The following GSE1 variants were observed in gnomAD, a reference collection of about 807,000 sequenced individuals.
The protein encoded by GSE1 is Gse1 coiled-coil protein.
In GSE1, 32 loss-of-function variants were observed where a neutral mutation model predicts 112.6. The observed-to-expected ratio is 0.28, with a 90% CI of 0.21 to 0.38. The LOEUF is 0.38. Ranked by LOEUF, GSE1 falls within the 10% of genes least tolerant of loss-of-function variation. GSE1 has a pLI of 1.00. For synonymous variants in GSE1, 1,115 were observed against 735.6 expected (o/e 1.52, Z -8.35); for missense variants, 2,348 against 1,699.2 (o/e 1.38, Z -6.71).
intron 2 of GSE1, among the ~76,000 whole-genome samples, chr16:85,443,895 A>G (rs560982706): frequency 6.6e-6 from 1 of 151,616 alleles, no homozygotes; most frequent in Admixed American, 6.6e-5. Flanking sequence ...GCGACCAGAA[A>G]GCACATCTGC....
intron 1 of GSE1, among the ~76,000 whole-genome samples, chr16:85,565,548 C>A (rs2045711245): frequency 6.6e-6 from 1 of 152,188 alleles, no homozygotes; most frequent in Non-Finnish European, 1.5e-5. Flanking sequence ...GCGAGGGGCC[C>A]ATGGCGAAGG....
At chr16:85,173,394 C>T (rs1296543382) in intron 1 of GSE1, among the ~76,000 whole-genome samples, 1 of 152,218 alleles carries the variant, frequency 6.6e-6, no homozygotes, top group African/African-American at 2.4e-5. Flanking sequence ...AAACATACCA[C>T]TTGCTTTGTA....
intron 2 of GSE1, among the ~76,000 whole-genome samples, chr16:85,468,373 G>A (rs2050185995): frequency 6.7e-6 from 1 of 149,420 alleles, no homozygotes; most frequent in African/African-American, 2.5e-5. Flanking sequence ...CTGGAGTGCG[G>A]TGACGCGACC....
At chr16:85,202,005 A>G (rs34570705) in intron 1 of GSE1, among the ~76,000 whole-genome samples, 3 of 152,336 alleles carry the variant, frequency 2.0e-5, no homozygotes, top group Admixed American at 2.0e-4. Context: ...AAGAGTTTTT[A>G]AAAGTGAGTT....
At position 85,656,438 on chromosome 16, in the gene GSE1, A is replaced by G; in HGVS notation, c.1085A>G (p.Glu362Gly). ...EADREREKER[E>G]REREKEREQE... The stretch of plus-strand genomic sequence containing the variant: ...GACCGCGAGCGGGAGAAGGAACGTG[A>G]GCGCGAACGCGAGAAGGAGCGCGAG... The change falls in exon 7 of 16, where the codon GAG becomes GGG. Residue 362 changes from glutamate to glycine, a missense_variant. Physicochemically the swap from Glu to Gly is moderately conservative, Grantham distance 98. Transcript: ENST00000253458. 6.4e-7 allele frequency: 1 copy of G among 1,564,964 alleles called. No individual in the cohort carries two copies. The highest frequency in any genetic ancestry group is 1.4e-5 in the African/African-American group (1 of 72,170).
chr16:85,296,641 A>G (rs983814704), intron 1 of GSE1, among the ~76,000 whole-genome samples: 2 of 152,128 alleles, frequency 1.3e-5, no homozygotes, highest in Non-Finnish European at 2.9e-5. Context: ...ACAAACAAAA[A>G]GTGTGCAGCA....
intron 12 of GSE1, among the ~76,000 whole-genome samples, chr16:85,665,712 C>G (rs1252213549): frequency 6.6e-6 from 1 of 152,238 alleles, no homozygotes; most frequent in African/African-American, 2.4e-5. Flanking sequence ...TCCATGCTGC[C>G]TCCGTGGCTG....
At chr16:85,333,240 A>G (rs2151523057) in intron 1 of GSE1, among the ~76,000 whole-genome samples, 2 of 152,232 alleles carry the variant, frequency 1.3e-5, no homozygotes, top group African/African-American at 4.8e-5. Flanking sequence ...TCCTCAGGGA[A>G]GCCTCACCCT....
At chr16:85,535,901 G>A (rs772367847) in intron 2 of GSE1, among the ~76,000 whole-genome samples, 1 of 152,198 alleles carries the variant, frequency 6.6e-6, no homozygotes, top group Non-Finnish European at 1.5e-5. Flanking sequence ...GGTCTCTGAC[G>A]GGCATTCATT....
intron 1 of GSE1, among the ~76,000 whole-genome samples, chr16:85,246,698 A>G (rs960332703): frequency 6.7e-6 from 1 of 150,050 alleles, no homozygotes; most frequent in African/African-American, 2.4e-5. Flanking sequence ...CGGAGGCCCC[A>G]GAACCCTAGT....
At chr16:85,360,013 G>A (rs1035849634) in intron 2 of GSE1, among the ~76,000 whole-genome samples, 3 of 152,132 alleles carry the variant, frequency 2.0e-5, no homozygotes, top group Admixed American at 2.0e-4. Context: ...CAGCCTAGGC[G>A]ACTGAGCAAG....
intron 1 of GSE1, among the ~76,000 whole-genome samples, chr16:85,321,728 C>A (rs147924224): frequency 6.7e-6 from 1 of 150,252 alleles, no homozygotes; most frequent in Non-Finnish European, 1.5e-5. Flanking sequence ...GCAGGGGGAT[C>A]GCTTGAGCCC....
intron 1 of GSE1, among the ~76,000 whole-genome samples, chr16:85,307,442 G>A (rs1327839891): frequency 2.0e-5 from 3 of 152,300 alleles, no homozygotes; most frequent in South Asian, 2.1e-4. Context: ...ACTGGCAGCC[G>A]AAAGCTGCAC....
rs189338152 is a variant in GSE1, at chr16:85,284,601, C to A, written c.2284-72862C>A. ...GGGAACTCGGTGCAGATGCTGTATTCGAGCCAGCGAGGGGGTGGTGAGAAC... is the reference window on the plus strand; with the variant it reads ...GGGAACTCGGTGCAGATGCTGTATTAGAGCCAGCGAGGGGGTGGTGAGAAC... On this transcript the variant is annotated intron_variant, in intron 1 of 2. Coordinates refer to the GSE1 transcript ENST00000637419. Among the ~76,000 whole-genome samples, 142 of 152,310 alleles carry A rather than the reference C, an allele frequency of 9.3e-4. 1 individual carries two copies. Among genetic ancestry groups the A allele is most frequent in the African/African-American group, 3.3e-3 (137 of 41,560 alleles).
chr16:85,184,363 C>T (rs1467296640), intron 1 of GSE1, among the ~76,000 whole-genome samples: 2 of 152,174 alleles, frequency 1.3e-5, no homozygotes, highest in Non-Finnish European at 2.9e-5. Flanking sequence ...ATCTTGTATT[C>T]CCTAGGGGAA....
intron 2 of GSE1, among the ~76,000 whole-genome samples, chr16:85,643,303 T>A (rs1319039775): frequency 6.6e-6 from 1 of 151,938 alleles, no homozygotes; most frequent in Non-Finnish European, 1.5e-5. Context: ...AGCCACGCGG[T>A]GAGAATGAGG....
intron 1 of GSE1, among the ~76,000 whole-genome samples, chr16:85,228,322 C>G (rs939726701): frequency 2.0e-5 from 3 of 152,120 alleles, no homozygotes; most frequent in African/African-American, 4.8e-5. Context: ...GGTTTTTGAG[C>G]AGAGGAGGTT....
intron 2 of GSE1, among the ~76,000 whole-genome samples, chr16:85,463,414 C>T (rs995028134): frequency 6.6e-6 from 1 of 152,244 alleles, no homozygotes; most frequent in Non-Finnish European, 1.5e-5. Context: ...TGCCCTCAGA[C>T]CCCGTGTAGG....
chr16:85,469,578 A>G (rs2050224308), intron 2 of GSE1, among the ~76,000 whole-genome samples: 1 of 152,168 alleles, frequency 6.6e-6, no homozygotes, highest in African/African-American at 2.4e-5. Flanking sequence ...CCCACCTTAC[A>G]TGTTTTAAAA....
Sources: allele counts gnomAD v4.1 joint callset (sites outside exome capture counted in the v4.1 genomes callset), GRCh38; gene constraint gnomAD v4.1.1; transcripts MANE v1.5; gene names NCBI Gene and HGNC (gene_info 2026-07-23, HGNC 2026-07-21).